The following RBMS3 variants were observed in gnomAD, a reference collection of about 807,000 sequenced individuals.
RBMS3 encodes RNA binding motif single stranded interacting protein 3.
A neutral mutation model predicts 66.8 loss-of-function variants in RBMS3; 27 were observed. The observed-to-expected ratio is 0.40, with a 90% CI of 0.30 to 0.56. The LOEUF (loss-of-function observed/expected upper bound fraction) is 0.56. Among genes scored for constraint, RBMS3 ranks in the 20% least tolerant of loss-of-function variants. The pLI, the probability that RBMS3 is intolerant of heterozygous loss-of-function variation, is 0.40. For missense variants in RBMS3, 513 were observed against 549.5 expected, an observed-to-expected ratio of 0.93 and a Z score of 0.66; for synonymous variants, 188 against 183.0, an observed-to-expected ratio of 1.03 and a Z score of -0.22.
At chr3:29,993,954 C>A (rs961976681) in intron 14 of RBMS3, among the ~76,000 whole-genome samples, 1 of 151,092 alleles carries the variant, frequency 6.6e-6, no homozygotes, top group Non-Finnish European at 1.5e-5. Context: ...GGAACAGCTC[C>A]AGTCTACAGC....
intron 7 of RBMS3, among the ~76,000 whole-genome samples, chr3:29,870,828 T>A (rs2059472709): frequency 6.6e-6 from 1 of 152,136 alleles, no homozygotes; most frequent in African/African-American, 2.4e-5. Context: ...CTGTGACCAA[T>A]AAAATATATT....
At chr3:29,355,524 G>A (rs789) in intron 1 of RBMS3, among the ~76,000 whole-genome samples, 50,662 of 151,058 alleles carry the variant, frequency 0.34, 8,662 homozygotes, top group Non-Finnish European at 0.36. Context: ...TTAACCAAAC[G>A]AGGTGATTCC....
At chr3:29,745,638 C>T (rs191687250) in intron 5 of RBMS3, among the ~76,000 whole-genome samples, 7 of 152,226 alleles carry the variant, frequency 4.6e-5, no homozygotes, top group Admixed American at 4.6e-4. Flanking sequence ...AATCCAGCTT[C>T]AACATCTGGG....
At chr3:29,492,493 C>T (rs917531808) in intron 3 of RBMS3, among the ~76,000 whole-genome samples, 24 of 152,118 alleles carry the variant, frequency 1.6e-4, no homozygotes, top group African/African-American at 5.8e-4. Flanking sequence ...AGAAATGAAA[C>T]AGGAGTTGTA....
intron 1 of RBMS3, among the ~76,000 whole-genome samples, chr3:29,354,936 G>A (rs1217370654): frequency 6.6e-6 from 1 of 152,122 alleles, no homozygotes; most frequent in African/African-American, 2.4e-5. Context: ...TTCTGAGATA[G>A]ATACCATTTA....
chr3:29,723,712 A>C (rs545225879), intron 4 of RBMS3, among the ~76,000 whole-genome samples: 1 of 152,266 alleles, frequency 6.6e-6, no homozygotes, highest in African/African-American at 2.4e-5. Flanking sequence ...GTGGAGCTGA[A>C]AGAGCAGAAG....
chr3:29,491,646 G>C (rs1432225158), intron 3 of RBMS3, among the ~76,000 whole-genome samples: 1 of 152,150 alleles, frequency 6.6e-6, no homozygotes, highest in Non-Finnish European at 1.5e-5. Flanking sequence ...AGGAAAGACG[G>C]GGCTGTGGAA....
chr3:29,500,066 C>T (rs78485338), intron 3 of RBMS3, among the ~76,000 whole-genome samples: 2,430 of 108,354 alleles, frequency 0.022, 27 homozygotes, highest in Admixed American at 0.058. Flanking sequence ...GAAGGATTTT[C>T]TTTTTTTTTT....
chr3:29,998,714 T>G (rs1483766593), intron 14 of RBMS3, among the ~76,000 whole-genome samples: 3 of 152,194 alleles, frequency 2.0e-5, no homozygotes, highest in South Asian at 2.1e-4. Context: ...GCTAGCCATA[T>G]GTAGAAAGCT....
intron 12 of RBMS3, among the ~76,000 whole-genome samples, chr3:29,947,106 GTACTAACTACAATGTATTT>G (rs972970681): frequency 3.3e-5 from 5 of 151,638 alleles, no homozygotes; most frequent in African/African-American, 4.8e-5. Flanking sequence ...TCAATGAGAT[GTACTAACTACAATGTATTT>G]TACTAACTAC....
chr3:29,658,534 A>G (rs1283144093), intron 4 of RBMS3, among the ~76,000 whole-genome samples: 3 of 152,240 alleles, frequency 2.0e-5, no homozygotes, highest in Non-Finnish European at 4.4e-5. Context: ...CTATGAATGT[A>G]ATCATTCGAT....
chr3:29,601,238 T>C (rs1325330801), intron 4 of RBMS3, among the ~76,000 whole-genome samples: 2 of 151,998 alleles, frequency 1.3e-5, no homozygotes, highest in Non-Finnish European at 1.5e-5. Flanking sequence ...TGAGCACATA[T>C]TATTTAGGAA....
At chr3:29,330,611 C>T (rs2035599098) in intron 1 of RBMS3, among the ~76,000 whole-genome samples, 1 of 152,056 alleles carries the variant, frequency 6.6e-6, no homozygotes, top group African/African-American at 2.4e-5. Context: ...CCTTGGCAGC[C>T]CTCCCTATTG....
intron 10 of RBMS3, among the ~76,000 whole-genome samples, chr3:29,908,294 A>G (rs1178730323): frequency 1.3e-5 from 2 of 152,040 alleles, no homozygotes; most frequent in African/African-American, 4.8e-5. Flanking sequence ...ACCATGTATG[A>G]TCATGATCAT....
At chr3:29,454,579 C>A (rs1001319906) in intron 2 of RBMS3, among the ~76,000 whole-genome samples, 7 of 152,168 alleles carry the variant, frequency 4.6e-5, no homozygotes, top group African/African-American at 1.7e-4. Context: ...TTCTATGAAT[C>A]GTGTCTTTTA....
intron 6 of RBMS3, among the ~76,000 whole-genome samples, chr3:29,780,595 G>T (rs1399546788): frequency 6.6e-6 from 1 of 151,536 alleles, no homozygotes; most frequent in Non-Finnish European, 1.5e-5. Context: ...TAGTATATTT[G>T]GTATCAAATA....
chr3:29,643,944 C>T (rs545961504), intron 4 of RBMS3, among the ~76,000 whole-genome samples: 1 of 152,272 alleles, frequency 6.6e-6, no homozygotes, highest in African/African-American at 2.4e-5. Context: ...AGGATAATTT[C>T]ATATTAGTCC....
At chr3:29,810,335 G>C (rs9310916) in intron 6 of RBMS3, among the ~76,000 whole-genome samples, 76,728 of 151,876 alleles carry the variant, frequency 0.51, 20,284 homozygotes, top group African/African-American at 0.59. Flanking sequence ...ATGTATTATG[G>C]AGGGAATATT....
At chr3:29,285,904 A>C (rs2032290870) in intron 1 of RBMS3, among the ~76,000 whole-genome samples, 1 of 152,150 alleles carries the variant, frequency 6.6e-6, no homozygotes, top group South Asian at 2.1e-4. Flanking sequence ...CAACCCTGTA[A>C]CACCCTCCTT....
Sources: gnomAD v4.1 joint callset for allele counts (sites outside exome capture counted in the v4.1 genomes callset) on GRCh38, gnomAD v4.1.1 for gene constraint, MANE v1.5 for transcripts, NCBI Gene and HGNC (gene_info 2026-07-23, HGNC 2026-07-21) for gene names.